DCHS2: variants seen among roughly 807,000 people sequenced by gnomAD.
The protein encoded by DCHS2 is dachsous cadherin-related 2, also known as protocadherin-23.
A neutral mutation model predicts 182.4 loss-of-function variants in DCHS2; 142 were observed. The observed-to-expected ratio is 0.78, with a 90% CI of 0.68 to 0.89. The LOEUF is 0.89. DCHS2 is among the 40% of genes least tolerant of loss of function. The probability of loss-of-function intolerance (pLI) is 0.00; values close to 1 mark genes in which losing one functional copy is unlikely to be tolerated. For synonymous variants in DCHS2, 1,740 were observed against 1,663.3 expected (o/e 1.05, Z -1.12); for missense variants, 4,319 against 4,198.6 (o/e 1.03, Z -0.79).
chr4:154,366,124 A>T, intron 3 of DCHS2, 86 bp downstream of exon 3: 1 of 1,051,218 alleles, frequency 9.5e-7, no homozygotes, highest in Non-Finnish European at 1.4e-6. Flanking sequence ...ATTGAAAAAA[A>T]GTCACTTTTT....
At chr4:154,475,095 C>G (rs1480675595) in intron 1 of DCHS2, among the ~76,000 whole-genome samples, 1 of 151,958 alleles carries the variant, frequency 6.6e-6, no homozygotes, top group Non-Finnish European at 1.5e-5. Flanking sequence ...TTACCTTATC[C>G]TAATTGCCAC....
intron 2 of DCHS2, among the ~76,000 whole-genome samples, chr4:154,376,605 T>G (rs1189295517): frequency 6.6e-6 from 1 of 152,190 alleles, no homozygotes; most frequent in East Asian, 1.9e-4. Flanking sequence ...ATAATAGAAT[T>G]CAAAAGCTAC....
intron 14 of DCHS2, chr4:154,269,579 A>G (rs58616814): frequency 0.021 from 4,218 of 199,208 alleles, 149 homozygotes; most frequent in African/African-American, 0.079. Context: ...TTGAATTCAG[A>G]CTCAGTGTCA....
intron 1 of DCHS2, among the ~76,000 whole-genome samples, chr4:154,444,502 A>G (rs955047742): frequency 6.6e-6 from 1 of 152,058 alleles, no homozygotes; most frequent in Non-Finnish European, 1.5e-5. Context: ...ACATATCCTG[A>G]ATCTGATTTC....
chr4:154,234,671 A>G lies in DCHS2; in HGVS notation c.9981T>C (p.Asn3327=), dbSNP rs1174813752. Residue 3327 remains asparagine, a synonymous_variant, in exon 20 of 20, where the codon AAT becomes AAC. Transcript: ENST00000357232. ...TCAATAGGGAAAGAGATGGAGAAAA[A>G]TTGGGAGTCATGCCTTCTGGCAGAG... ...LGSLPEGMTP[N]FSPSLSLLTM... The G allele has an allele frequency of 6.2e-7, 1 of 1,613,852 alleles. No individual in the cohort carries two copies. Among genetic ancestry groups the G allele is most frequent in the African/African-American group, 1.3e-5 (1 of 74,884 alleles).
chr4:154,297,022 G>A (rs984507572), intron 13 of DCHS2, among the ~76,000 whole-genome samples: 3 of 152,104 alleles, frequency 2.0e-5, no homozygotes, highest in African/African-American at 7.2e-5. Flanking sequence ...AACAAACGAG[G>A]AAAAATAATC....
At chr4:154,267,693 T>C (rs1013334005) in intron 14 of DCHS2, among the ~76,000 whole-genome samples, 32 of 85,554 alleles carry the variant, frequency 3.7e-4, no homozygotes, top group African/African-American at 1.0e-3. Flanking sequence ...GTAGGTTCCA[T>C]TGGGCATCTT....
At chr4:154,472,825 C>T (rs1460104384) in intron 1 of DCHS2, among the ~76,000 whole-genome samples, 1 of 152,056 alleles carries the variant, frequency 6.6e-6, no homozygotes, top group Non-Finnish European at 1.5e-5. Context: ...CACATACACA[C>T]ACATATCACA....
At chr4:154,424,752 ATGTT>A (rs1733253468) in intron 1 of DCHS2, among the ~76,000 whole-genome samples, 1 of 152,196 alleles carries the variant, frequency 6.6e-6, no homozygotes, top group Admixed American at 6.5e-5. Flanking sequence ...TTCAAATCAG[ATGTT>A]TGGCAGAAAA....
chr4:154,368,356 G>C (rs570105773), intron 2 of DCHS2, among the ~76,000 whole-genome samples: 2 of 152,034 alleles, frequency 1.3e-5, no homozygotes, highest in South Asian at 2.1e-4. Context: ...AATTCAAGAG[G>C]TCACTTAGGG....
At chr4:154,255,157 T>C (rs1187910861) in intron 16 of DCHS2, among the ~76,000 whole-genome samples, 1 of 152,180 alleles carries the variant, frequency 6.6e-6, no homozygotes, top group Non-Finnish European at 1.5e-5. Context: ...TCGTCACGTT[T>C]TAAAAAAACA....
chr4:154,435,057 T>A (rs917732003), intron 1 of DCHS2, among the ~76,000 whole-genome samples: 1 of 152,126 alleles, frequency 6.6e-6, no homozygotes, highest in African/African-American at 2.4e-5. Flanking sequence ...CAATCCATAG[T>A]AATGCACCAA....
At chr4:154,355,989 C>T (rs772042153) in intron 3 of DCHS2, among the ~76,000 whole-genome samples, 12 of 151,870 alleles carry the variant, frequency 7.9e-5, no homozygotes, top group Admixed American at 2.0e-4. Flanking sequence ...TGCTTTTCTA[C>T]TGATTGAAAA....
At chr4:154,335,195 G>A in intron 3 of DCHS2, 91 bp from the exon 4 acceptor site, 1 of 869,090 alleles carries the variant, frequency 1.2e-6, no homozygotes, top group Non-Finnish European at 1.9e-6. Flanking sequence ...AGTGTATTGT[G>A]ATGTTTTATT....
intron 9 of DCHS2, among the ~76,000 whole-genome samples, chr4:154,317,090 C>A (rs1255704023): frequency 6.6e-6 from 1 of 152,182 alleles, no homozygotes; most frequent in Non-Finnish European, 1.5e-5. Flanking sequence ...CCACAAAAAA[C>A]TCACTGTCTT....
At chr4:154,277,803 G>A (rs1204187441) in intron 13 of DCHS2, among the ~76,000 whole-genome samples, 1 of 152,104 alleles carries the variant, frequency 6.6e-6, no homozygotes, top group Non-Finnish European at 1.5e-5. Flanking sequence ...CACTTTGGGA[G>A]GCCAAGGCAG....
chr4:154,474,281 G>GGTCACA (rs1735597369), intron 1 of DCHS2, among the ~76,000 whole-genome samples: 1 of 152,192 alleles, frequency 6.6e-6, no homozygotes, highest in Admixed American at 6.5e-5. Context: ...TTCTAAATAA[G>GGTCACA]GTCACAGTCA....
At position 154,242,098 on chromosome 4, in the gene DCHS2, T is replaced by C. The variant is rs1231377750; in HGVS notation, c.7072+544A>G. 2.6e-5 allele frequency among the ~76,000 whole-genome samples: 4 copies of C among 152,176 alleles called. No homozygotes were observed. In the East Asian group the frequency reaches 7.7e-4, roughly 29 times the overall value. On this transcript the variant is annotated intron_variant, in intron 17 of 19. Transcript: ENST00000357232. ...GGGTCCACAGACTAGAGGACCATTG[T>C]ATAACCCACAGACCCAAATAATGAA...
At chr4:154,262,581 ATACAT>A (rs1401042573) in intron 14 of DCHS2, among the ~76,000 whole-genome samples, 4 of 152,228 alleles carry the variant, frequency 2.6e-5, no homozygotes, top group Non-Finnish European at 5.9e-5. Flanking sequence ...TAAAAAATAC[ATACAT>A]TATGTAGCTT....
Sources: allele counts gnomAD v4.1 joint callset (sites outside exome capture counted in the v4.1 genomes callset), GRCh38; gene constraint gnomAD v4.1.1; transcripts MANE v1.5; gene names NCBI Gene and HGNC (gene_info 2026-07-23, HGNC 2026-07-21).